Variants in GCN1 observed in about 807,000 individuals in gnomAD.
GCN1 encodes GCN1 activator of EIF2AK4.
Under a neutral mutation model 288.4 loss-of-function variants are expected in GCN1, and 90 were observed. The ratio of observed to expected loss-of-function variants is 0.31; its 90% CI spans 0.26 to 0.37. The LOEUF (loss-of-function observed/expected upper bound fraction) is 0.37. Ranked by LOEUF, GCN1 falls within the 10% of genes least tolerant of loss-of-function variation. The pLI is 1.00. For missense variants in GCN1, 2,586 were observed against 3,419.9 expected (o/e 0.76, Z 6.08); for synonymous variants, 1,386 against 1,420.2 (o/e 0.98, Z 0.54).
At chr12:120,181,230 C>A (rs1020765148) in intron 5 of GCN1, among the ~76,000 whole-genome samples, 1 of 151,948 alleles carries the variant, frequency 6.6e-6, no homozygotes, top group East Asian at 1.9e-4. Flanking sequence ...CTTTGGAAGA[C>A]CGCAGCAGGT....
chr12:120,182,949 A>AC (rs1174296005), intron 5 of GCN1, among the ~76,000 whole-genome samples: 2 of 151,674 alleles, frequency 1.3e-5, no homozygotes, highest in Non-Finnish European at 2.9e-5. Context: ...AAAAAAAAAA[A>AC]AAACTACTCC....
chr12:120,158,777 C>T lies in GCN1; in HGVS notation c.2750-162G>A, dbSNP rs1308389943. Among the ~76,000 whole-genome samples, 1 of 152,138 alleles carries T rather than the reference C, an allele frequency of 6.6e-6. No homozygotes were observed. The highest frequency in any genetic ancestry group is 2.4e-5 in the African/African-American group (1 of 41,420). Reference sequence around the variant, plus strand: ...CCTGTAATCCCAGCACTTTGGGAGGCCGAGGCGGGCGGATCATGAGGTCAG... The same window carrying T: ...CCTGTAATCCCAGCACTTTGGGAGGTCGAGGCGGGCGGATCATGAGGTCAG... On this transcript the variant is annotated intron_variant, in intron 24 of 57. Transcript: ENST00000300648. The surrounding 1 kb of genome is among the most constrained non-coding windows in gnomAD (Gnocchi z 4.3).
At chr12:120,130,823 C>T in intron 55 of GCN1, 70 bp from the exon 56 acceptor site, 2 of 922,918 alleles carry the variant, frequency 2.2e-6, no homozygotes, top group Non-Finnish European at 1.7e-6. Flanking sequence ...AACCCCAGTT[C>T]CTAGTAATCT....
intron 50 of GCN1, 73 bp from the exon 51 acceptor site, chr12:120,136,805 T>G (rs1204472912): frequency 5.6e-6 from 6 of 1,077,562 alleles, no homozygotes; most frequent in African/African-American, 4.6e-5. Context: ...GCAAGCAAAG[T>G]GGTCCTGACA....
At chr12:120,136,298 C>G (rs889669815) in intron 51 of GCN1, among the ~76,000 whole-genome samples, 4 of 152,132 alleles carry the variant, frequency 2.6e-5, no homozygotes, top group African/African-American at 7.2e-5. Context: ...ATGGCTTTCC[C>G]AAGGTCATCC....
chr12:120,132,645 A>AGGTACGC (rs1876867308), intron 53 of GCN1, among the ~76,000 whole-genome samples: 1 of 152,260 alleles, frequency 6.6e-6, no homozygotes, highest in Non-Finnish European at 1.5e-5. Context: ...TGTTCAAATC[A>AGGTACGC]GAGCCAGGTA....
chr12:120,145,251 C>T lies in GCN1; in HGVS notation c.5016+11G>A. 6.3e-7 allele frequency: 1 copy of T among 1,593,344 alleles called. No individual in the cohort carries two copies. Among genetic ancestry groups the T allele is most frequent in the Non-Finnish European group, 8.6e-7 (1 of 1,169,416 alleles). On this transcript the variant is annotated intron_variant, in intron 39 of 57. Transcript: ENST00000300648. ...GGGCCTGGCCCATCCCCCAGCCTAC[C>T]TCAGACTCACCTCAGGCACAGGGTC... is the stretch of plus-strand genomic sequence containing the variant.
intron 2 of GCN1, among the ~76,000 whole-genome samples, chr12:120,189,647 G>A (rs1027119514): frequency 2.6e-5 from 4 of 151,976 alleles, no homozygotes; most frequent in Admixed American, 6.6e-5. Flanking sequence ...GATTACAGGC[G>A]TGAGCCACCG....
At chr12:120,192,732 GAA>G (rs10555637) in intron 1 of GCN1, among the ~76,000 whole-genome samples, 29,183 of 108,436 alleles carry the variant, frequency 0.27, 3,574 homozygotes, top group East Asian at 0.59. Context: ...ACTCCGTCTC[GAA>G]AAAAAAAAAA....
chr12:120,183,575 G>C lies in GCN1; in HGVS notation c.420C>G (p.Asn140Lys). 1.3e-6 allele frequency: 2 copies of C among 1,596,070 alleles called. No homozygotes were observed. Among genetic ancestry groups the C allele is most frequent in the Middle Eastern group, 1.7e-4 (1 of 6,022 alleles). ...AGAGACACAGGGAACCTACCAGTTT[G>C]TTCCAGATGTCTCCTTGTCGCTTGG... The part of the protein sequence containing the change: ...SRAKRQGDIW[N>K]KLVEVQCLLL... The change falls in exon 5 of 58, where the codon AAC (asparagine) becomes AAG (lysine). Residue 140 changes from asparagine (N) to lysine (K), a missense_variant. Coordinates refer to ENST00000300648, the MANE Select transcript of GCN1 (RefSeq NM_006836.2).
rs138096077 is a variant in GCN1, at chr12:120,160,681, G to A, written c.2437-426C>T. ...CTGCTATAGTGGCCTGAGACAACAAGCCACAGAACTCACTCACTCATTCAG... is the reference window on the plus strand; with the variant it reads ...CTGCTATAGTGGCCTGAGACAACAAACCACAGAACTCACTCACTCATTCAG... On this transcript the variant is annotated intron_variant, in intron 22 of 57. Transcript: ENST00000300648. Among the ~76,000 whole-genome samples, 530 of 152,278 alleles carry A rather than the reference G, an allele frequency of 3.5e-3. 3 individuals carry two copies. Among genetic ancestry groups the A allele is most frequent in the African/African-American group, 0.012 (505 of 41,536 alleles).
rs1877831077 is a variant in GCN1, at chr12:120,158,692, C to T, written c.2750-77G>A. Reference sequence around the variant, plus strand: ...TCCAGCCCAGGCTAAAACAGGGGACCCAGTGCCTCATCCTTCTGACTTAAA... The same window carrying T: ...TCCAGCCCAGGCTAAAACAGGGGACTCAGTGCCTCATCCTTCTGACTTAAA... On this transcript the variant is annotated intron_variant, in intron 24 of 57. Transcript: ENST00000300648. This position sits in a 1 kb window ranked among gnomAD's most constrained non-coding sequence, Gnocchi z 4.3. 5.2e-5 allele frequency: 64 copies of T among 1,235,442 alleles called. 2 individuals are homozygous for T. In the South Asian group the frequency reaches 9.6e-4, roughly 18 times the overall value. 76.5% of individuals were successfully genotyped at this position (1,235,442 alleles called of 1,614,324 possible).
chr12:120,148,128 T>G (rs750096298), intron 37 of GCN1, 39 bp downstream of exon 37: 1 of 1,517,154 alleles, frequency 6.6e-7, no homozygotes, highest in Non-Finnish European at 9.0e-7. Flanking sequence ...GCGGCGTTGG[T>G]GGGAGGTCAG....
chr12:120,186,881 G>C lies in GCN1; in HGVS notation c.122-1994C>G, dbSNP rs1305462543. On this transcript the variant is annotated intron_variant, in intron 2 of 57. Transcript: ENST00000300648. ...TTGAAGCAGGTCACACAGCCTGTAA[G>C]TGGCACAGCCCATCTGAGCCCTTCA... is the stretch of plus-strand genomic sequence containing the variant. 2.6e-5 allele frequency among the ~76,000 whole-genome samples: 4 copies of C among 152,218 alleles called. No individual in the cohort carries two copies. The East Asian group carries it at 7.7e-4, about 29-fold the overall frequency.
In GCN1 at chr12:120,142,655, G is replaced by A; in HGVS notation, c.5681C>T (p.Ser1894Leu). The change falls in exon 44 of 58, where the codon TCA becomes TTA. Residue 1894 changes from serine (S) to leucine (L), a missense_variant. Coordinates refer to ENST00000300648, the MANE Select transcript of GCN1 (RefSeq NM_006836.2). The surrounding 1 kb of genome is among the most constrained non-coding windows in gnomAD (Gnocchi z 4.9). ...RVLAGLYMGR[S>L]DTQLVVRQAS... ...CTGCCGCACCACCAGCTGGGTGTCT[G>A]AGCGGCCCATGTACAGCCCTGCCAA... The A allele has an allele frequency of 6.2e-7, 1 of 1,614,086 alleles. No homozygotes were observed. Among genetic ancestry groups the A allele is most frequent in the Non-Finnish European group, 8.5e-7 (1 of 1,180,034 alleles).
chr12:120,149,717 CA>C lies in GCN1; in HGVS notation c.4434del (p.Ala1479GlnfsTer8). On this transcript the variant is annotated frameshift_variant and splice_region_variant, in exon 36 of 58. Transcript: ENST00000300648. LOFTEE classifies it high-confidence loss of function. The stretch of plus-strand genomic sequence containing the variant: ...ATCACAGCCTTGGCACAGTCATCTG[CA>C]GCCTCAAGGGGGGAGAAAACACATT... Reference protein sequence around the residue: ...FGDGNQYVREAADDCAKAVMS... With the variant: ...FGDGNQYVREXADDCAKAVMS... 6.2e-7 allele frequency: 1 copy of C among 1,613,012 alleles called. No individual in the cohort carries two copies. Among genetic ancestry groups the C allele is most frequent in the Non-Finnish European group, 8.5e-7 (1 of 1,179,032 alleles).
chr12:120,145,366 G>C, intron 38 of GCN1, 36 bp from the exon 39 acceptor site: 1 of 1,480,058 alleles, frequency 6.8e-7, no homozygotes. Flanking sequence ...GGTGAGGCCC[G>C]ACTCCTGCTT....
At chr12:120,177,351 T>TC in intron 9 of GCN1, 96 bp downstream of exon 9, 1 of 656,508 alleles carries the variant, frequency 1.5e-6, no homozygotes, top group South Asian at 1.8e-5. Flanking sequence ...CCCCCTTCCC[T>TC]CCCCCCTACC....
At chr12:120,133,767 T>G (rs185456566) in intron 53 of GCN1, among the ~76,000 whole-genome samples, 1 of 152,214 alleles carries the variant, frequency 6.6e-6, no homozygotes, top group African/African-American at 2.4e-5. Context: ...ACTTGCCTCA[T>G]CTATAAAATA....
Sources: allele counts gnomAD v4.1 joint callset (sites outside exome capture counted in the v4.1 genomes callset), GRCh38; gene constraint gnomAD v4.1.1; non-coding constraint Gnocchi (gnomAD v3.1); transcripts MANE v1.5; gene names NCBI Gene and HGNC (gene_info 2026-07-23, HGNC 2026-07-21).